Variants in IL1RAPL1 observed in about 807,000 individuals in gnomAD.
IL1RAPL1 encodes the protein interleukin 1 receptor accessory protein like 1, also known as interleukin-1 receptor accessory protein-like 1.
IL1RAPL1 carries 3 observed loss-of-function variants against 48.4 expected under a neutral mutation model. The observed-to-expected ratio is 0.06, with a 90% CI of 0.03 to 0.16. The LOEUF (loss-of-function observed/expected upper bound fraction) is 0.16. Ranked by LOEUF, IL1RAPL1 falls within the 10% of genes least tolerant of loss-of-function variation. The pLI is 1.00. For synonymous variants in IL1RAPL1, 185 were observed against 187.7 expected (o/e 0.99, Z 0.12); for missense variants, 349 against 530.6 (o/e 0.66, Z 3.36).
intron 2 of IL1RAPL1, among the ~76,000 whole-genome samples, chrX:29,247,781 C>A (rs1931541365): frequency 9.0e-6 from 1 of 111,064 alleles, no homozygotes; most frequent in African/African-American, 3.3e-5. Context: ...GACTCTGTCT[C>A]AAAAATAAAT....
intron 1 of IL1RAPL1, among the ~76,000 whole-genome samples, chrX:28,672,231 A>T (rs749105398): frequency 1.8e-5 from 2 of 112,052 alleles, no homozygotes; most frequent in East Asian, 2.8e-4. Flanking sequence ...ATGTTAAAAA[A>T]AAAATAAAAT....
At position 29,866,449 on chromosome X, in the gene IL1RAPL1, G is replaced by A. The variant is rs139181221; in HGVS notation, c.779-51015G>A. On this transcript the variant is annotated intron_variant, in intron 6 of 10. Transcript: ENST00000378993. ...AGGGAACAGGGAGAATTATAAAGAC[G>A]CTCTTTTATTAAGAATCAGGCACAG... 4.5e-3 allele frequency among the ~76,000 whole-genome samples: 499 copies of A among 110,529 alleles called. 4 individuals are homozygous for A. The highest frequency in any genetic ancestry group is 9.4e-3 in the Admixed American group (97 of 10,298).
chrX:29,213,476 G>A (rs181742292), intron 2 of IL1RAPL1, among the ~76,000 whole-genome samples: 61 of 112,820 alleles, frequency 5.4e-4, no homozygotes, highest in African/African-American at 1.9e-3. Context: ...AGCAGAATGT[G>A]TAATTGCTCT....
intron 5 of IL1RAPL1, among the ~76,000 whole-genome samples, chrX:29,441,481 A>G (rs1411418703): frequency 1.8e-5 from 2 of 112,102 alleles, no homozygotes; most frequent in Non-Finnish European, 3.8e-5. Context: ...AATGTTTGGG[A>G]AGCACTGATG....
At chrX:29,393,267 GCC>G (rs1933878668) in intron 3 of IL1RAPL1, among the ~76,000 whole-genome samples, 1 of 111,438 alleles carries the variant, frequency 9.0e-6, no homozygotes, top group East Asian at 2.8e-4. Flanking sequence ...GACTACAGGC[GCC>G]CGCCACCACG....
At chrX:29,033,004 A>G (rs1228603121) in intron 2 of IL1RAPL1, among the ~76,000 whole-genome samples, 2 of 112,592 alleles carry the variant, frequency 1.8e-5, no homozygotes, top group African/African-American at 3.2e-5. Context: ...TCGTATGAGA[A>G]TAAAATGTAA....
chrX:29,049,868 T>C (rs1178606074), intron 2 of IL1RAPL1, among the ~76,000 whole-genome samples: 2 of 112,604 alleles, frequency 1.8e-5, no homozygotes, highest in Admixed American at 9.4e-5. Flanking sequence ...ACAACTGTGG[T>C]ACATTCGTTA....
intron 2 of IL1RAPL1, among the ~76,000 whole-genome samples, chrX:29,070,428 C>T (rs1024838801): frequency 9.0e-6 from 1 of 111,630 alleles, no homozygotes; most frequent in Non-Finnish European, 1.9e-5. Context: ...GAGAAGTTGG[C>T]GGCACTACAA....
intron 2 of IL1RAPL1, among the ~76,000 whole-genome samples, chrX:29,174,401 C>T (rs1341080329): frequency 9.0e-6 from 1 of 111,349 alleles, no homozygotes; most frequent in African/African-American, 3.3e-5. Flanking sequence ...TGACTCGGAG[C>T]CATAAAGGAA....
intron 6 of IL1RAPL1, among the ~76,000 whole-genome samples, chrX:29,901,015 G>GACTC (rs912568543): frequency 8.9e-6 from 1 of 111,903 alleles, no homozygotes; most frequent in African/African-American, 3.2e-5. Flanking sequence ...GTCATTCAGG[G>GACTC]ACTCAAGTCC....
intron 5 of IL1RAPL1, among the ~76,000 whole-genome samples, chrX:29,608,044 G>A (rs1923950144): frequency 8.9e-6 from 1 of 112,237 alleles, no homozygotes; most frequent in Non-Finnish European, 1.9e-5. Flanking sequence ...TGCACTGACT[G>A]GGTGGTTTTT....
intron 8 of IL1RAPL1, among the ~76,000 whole-genome samples, chrX:29,933,746 A>G (rs1932987015): frequency 1.8e-5 from 2 of 110,773 alleles, no homozygotes; most frequent in African/African-American, 6.5e-5. Flanking sequence ...ACAATAATAC[A>G]TTTATTGATA....
At chrX:29,758,790 CAAAACAAA>C (rs1366204011) in intron 6 of IL1RAPL1, among the ~76,000 whole-genome samples, 1 of 110,142 alleles carries the variant, frequency 9.1e-6, no homozygotes, top group African/African-American at 3.3e-5. Flanking sequence ...AAAAACAAAA[CAAAACAAA>C]AAAACAAAAC....
At chrX:29,425,936 G>A in intron 5 of IL1RAPL1, among the ~76,000 whole-genome samples, 1 of 111,342 alleles carries the variant, frequency 9.0e-6, no homozygotes, top group Non-Finnish European at 1.9e-5. Flanking sequence ...GTACAGTTTA[G>A]CCCTCCAGAG....
intron 6 of IL1RAPL1, among the ~76,000 whole-genome samples, chrX:29,803,504 T>A (rs1930161280): frequency 1.1e-5 from 1 of 93,693 alleles, no homozygotes; most frequent in Non-Finnish European, 2.0e-5. Context: ...TGTATACATA[T>A]GTGTATATAT....
intron 9 of IL1RAPL1, among the ~76,000 whole-genome samples, chrX:29,952,222 A>G (rs978247602): frequency 1.4e-4 from 16 of 111,970 alleles, no homozygotes; most frequent in Non-Finnish European, 2.6e-4. Context: ...GAGGCAATGA[A>G]TGAGGATCTA....
At chrX:28,888,852 T>C (rs182743890) in intron 2 of IL1RAPL1, among the ~76,000 whole-genome samples, 29 of 110,947 alleles carry the variant, frequency 2.6e-4, no homozygotes, top group Admixed American at 3.9e-4. Context: ...GTCATTATGA[T>C]ATCATTGAAA....
intron 2 of IL1RAPL1, among the ~76,000 whole-genome samples, chrX:28,948,638 A>G (rs1022434285): frequency 2.7e-5 from 3 of 111,857 alleles, no homozygotes; most frequent in Non-Finnish European, 5.7e-5. Context: ...TGGTACATGT[A>G]AAGCACCTGT....
chrX:29,830,108 C>T (rs1041908340), intron 6 of IL1RAPL1, among the ~76,000 whole-genome samples: 6 of 111,952 alleles, frequency 5.4e-5, no homozygotes, highest in Non-Finnish European at 3.8e-5. Flanking sequence ...ATACATTTTG[C>T]GGATAATATG....
Sources: allele counts gnomAD v4.1 joint callset (sites outside exome capture counted in the v4.1 genomes callset), GRCh38; gene constraint gnomAD v4.1.1; transcripts MANE v1.5; gene names NCBI Gene and HGNC (gene_info 2026-07-23, HGNC 2026-07-21).